The following RBFOX1 variants were observed in gnomAD, a reference collection of about 807,000 sequenced individuals.
The protein encoded by RBFOX1 is RNA binding protein fox-1 homolog 1.
Under a neutral mutation model 57.7 loss-of-function variants are expected in RBFOX1, and 8 were observed. That is an observed-to-expected ratio of 0.14 (90% CI 0.08 to 0.25). The LOEUF (loss-of-function observed/expected upper bound fraction) is 0.25. RBFOX1 is among the 10% of genes least tolerant of loss of function. The pLI, the probability that RBFOX1 is intolerant of heterozygous loss-of-function variation, is 1.00. For synonymous variants in RBFOX1, 326 were observed against 222.4 expected (o/e 1.47, Z -4.15); for missense variants, 611 against 548.5 (o/e 1.11, Z -1.14).
chr16:7,445,208 A>T (rs1349119750), intron 4 of RBFOX1, among the ~76,000 whole-genome samples: 1 of 152,164 alleles, frequency 6.6e-6, no homozygotes, highest in Non-Finnish European at 1.5e-5. Context: ...AGTTGGTAAT[A>T]TTACTGCTAG....
intron 1 of RBFOX1, 107 bp from the exon 2 acceptor site, chr16:6,316,887 CA>C (rs2081183583): frequency 1.2e-5 from 9 of 767,198 alleles, no homozygotes; most frequent in Admixed American, 4.9e-5. Flanking sequence ...ACAATATAGT[CA>C]GAACCTATTT....
At position 6,118,110 on chromosome 16, in the gene RBFOX1, T is replaced by C. The variant is rs1176744082; in HGVS notation, c.-127+98118T>C. ...CACCCATCTTCTCTGAGTATTAACATTTTATATCACCATAATACAATAATA... is the reference window on the plus strand; with the variant it reads ...CACCCATCTTCTCTGAGTATTAACACTTTATATCACCATAATACAATAATA... On this transcript the variant is annotated intron_variant, in intron 1 of 15. Transcript: ENST00000550418. Among the ~76,000 whole-genome samples the C allele has an allele frequency of 2.0e-5, 3 of 152,234 alleles. No homozygotes were observed. The East Asian group carries it at 5.8e-4, about 29-fold the overall frequency.
chr16:6,350,468 A>AAAAAAC, intron 2 of RBFOX1, among the ~76,000 whole-genome samples: 1 of 24,266 alleles, frequency 4.1e-5, no homozygotes, highest in East Asian at 1.4e-3. Flanking sequence ...AAAAAAAAAA[A>AAAAAAC]AAAAAAAAAA....
At chr16:5,907,595 A>C (rs946238646) in intron 4 of RBFOX1, among the ~76,000 whole-genome samples, 24 of 152,076 alleles carry the variant, frequency 1.6e-4, no homozygotes, top group African/African-American at 5.1e-4. Context: ...ATACATAAGT[A>C]CTCATTTAAG....
At chr16:7,227,297 C>G (rs2093197063) in intron 4 of RBFOX1, among the ~76,000 whole-genome samples, 1 of 136,714 alleles carries the variant, frequency 7.3e-6, no homozygotes, top group African/African-American at 2.5e-5. Context: ...CCCACCCCCA[C>G]ACACACACAC....
intron 4 of RBFOX1, among the ~76,000 whole-genome samples, chr16:7,174,141 C>T (rs897215945): frequency 6.6e-6 from 1 of 152,056 alleles, no homozygotes; most frequent in African/African-American, 2.4e-5. Flanking sequence ...GTGTGATCTG[C>T]ATCTGGATTA....
chr16:6,923,553 A>G lies in RBFOX1; in HGVS notation c.-15-128504A>G, dbSNP rs569240349. 9.9e-5 allele frequency among the ~76,000 whole-genome samples: 15 copies of G among 152,178 alleles called. No homozygotes were observed. The East Asian group carries it at 1.6e-3, about 16-fold the overall frequency. Reference sequence around the variant, plus strand: ...ATCTCAAAAATAAATAAATAAAAAGATGTGGTATTCTGTTAATCATGGCTG... The same window carrying G: ...ATCTCAAAAATAAATAAATAAAAAGGTGTGGTATTCTGTTAATCATGGCTG... On this transcript the variant is annotated intron_variant, in intron 3 of 15. Coordinates refer to ENST00000550418, the MANE Select transcript of RBFOX1 (RefSeq NM_018723.4).
chr16:5,325,528 C>G (rs944008436), intron 1 of RBFOX1, among the ~76,000 whole-genome samples: 2 of 152,134 alleles, frequency 1.3e-5, no homozygotes, highest in African/African-American at 4.8e-5. Flanking sequence ...ATATCTATCA[C>G]TATAGTCAGG....
At chr16:5,700,537 C>G (rs1360611584) in intron 3 of RBFOX1, among the ~76,000 whole-genome samples, 3 of 152,058 alleles carry the variant, frequency 2.0e-5, no homozygotes, top group Admixed American at 6.5e-5. Flanking sequence ...CTTTACAATT[C>G]TTTTGGTTAT....
chr16:6,294,790 C>A (rs187407429), intron 1 of RBFOX1, among the ~76,000 whole-genome samples: 15 of 152,228 alleles, frequency 9.9e-5, no homozygotes, highest in Admixed American at 8.5e-4. Flanking sequence ...TGTTTTGAGT[C>A]TCTGATGGAG....
chr16:5,333,094 A>G (rs1175950483), intron 1 of RBFOX1, among the ~76,000 whole-genome samples: 1 of 152,064 alleles, frequency 6.6e-6, no homozygotes, highest in Non-Finnish European at 1.5e-5. Flanking sequence ...AGACTGAGAC[A>G]GGAGAATCGC....
intron 4 of RBFOX1, among the ~76,000 whole-genome samples, chr16:7,453,822 C>CT (rs1160613824): frequency 6.6e-6 from 1 of 152,166 alleles, no homozygotes; most frequent in Non-Finnish European, 1.5e-5. Flanking sequence ...CACCTTCAGC[C>CT]TTAAGATGGC....
chr16:6,773,995 T>G (rs1455756526), intron 3 of RBFOX1: 3 of 985,228 alleles, frequency 3.0e-6, no homozygotes, highest in Non-Finnish European at 3.6e-6. Context: ...GAACCTGTAA[T>G]TAGCTCCTCA....
intron 2 of RBFOX1, among the ~76,000 whole-genome samples, chr16:6,469,310 A>T (rs912300446): frequency 6.6e-6 from 1 of 152,172 alleles, no homozygotes; most frequent in Non-Finnish European, 1.5e-5. Context: ...TCAAGTTACA[A>T]CCAAGGTATG....
intron 3 of RBFOX1, among the ~76,000 whole-genome samples, chr16:6,858,603 T>C (rs548649217): frequency 6.6e-6 from 1 of 152,306 alleles, no homozygotes; most frequent in African/African-American, 2.4e-5. Context: ...TTTCATTCTC[T>C]TTATGTGAGA....
At chr16:7,083,438 A>G (rs868537819) in intron 4 of RBFOX1, among the ~76,000 whole-genome samples, 2 of 152,090 alleles carry the variant, frequency 1.3e-5, no homozygotes, top group African/African-American at 2.4e-5. Context: ...ATTTAGGCTC[A>G]CAGAAGCTTA....
intron 3 of RBFOX1, among the ~76,000 whole-genome samples, chr16:6,657,203 T>A (rs185324391): frequency 6.6e-6 from 1 of 151,576 alleles, no homozygotes; most frequent in East Asian, 2.0e-4. Context: ...CACTTTCTCG[T>A]CTTCCTTCCT....
At chr16:6,310,707 C>T (rs2080152600) in intron 1 of RBFOX1, among the ~76,000 whole-genome samples, 1 of 152,128 alleles carries the variant, frequency 6.6e-6, no homozygotes, top group Non-Finnish European at 1.5e-5. Flanking sequence ...TATGACTGGG[C>T]ACAGCCTGGT....
intron 4 of RBFOX1, among the ~76,000 whole-genome samples, chr16:7,375,075 C>A (rs74010684): frequency 6.6e-6 from 1 of 152,220 alleles, no homozygotes; most frequent in East Asian, 1.9e-4. Context: ...GGAGAAAGAA[C>A]ATTTTTTATT....
Sources: allele counts gnomAD v4.1 joint callset (sites outside exome capture counted in the v4.1 genomes callset), GRCh38; gene constraint gnomAD v4.1.1; transcripts MANE v1.5; gene names NCBI Gene and HGNC (gene_info 2026-07-23, HGNC 2026-07-21).